Variants in SCG5 observed in about 807,000 individuals in gnomAD.
The protein encoded by SCG5 is neuroendocrine protein 7B2.
Under a neutral mutation model 25.7 loss-of-function variants are expected in SCG5, and 18 were observed. The ratio of observed to expected loss-of-function variants is 0.70; its 90% CI spans 0.48 to 1.04. The LOEUF (loss-of-function observed/expected upper bound fraction) is 1.04, where lower values mean the gene tolerates loss of function less well. SCG5 is among the 50% of genes least tolerant of loss of function. The pLI, the probability that SCG5 is intolerant of heterozygous loss-of-function variation, is 0.00. For missense variants in SCG5, 206 were observed against 259.8 expected, an observed-to-expected ratio of 0.79 and a Z score of 1.42; for synonymous variants, 101 against 91.7, an observed-to-expected ratio of 1.10 and a Z score of -0.58.
chr15:32,691,960 G>A (rs768550509), intron 5 of SCG5, 197 bp downstream of exon 5: 55 of 1,434,246 alleles, frequency 3.8e-5, no homozygotes, highest in Non-Finnish European at 4.9e-5. Flanking sequence ...CCAGGCTTTA[G>A]CAGATGATTT....
chr15:32,653,542 TAG>T (rs1490196513), intron 2 of SCG5, among the ~76,000 whole-genome samples: 2 of 152,196 alleles, frequency 1.3e-5, no homozygotes, highest in Admixed American at 1.3e-4. Context: ...ATAGAATGTA[TAG>T]AGAGACAGAC....
chr15:32,681,717 T>C (rs370496848), intron 3 of SCG5, among the ~76,000 whole-genome samples: 14 of 152,102 alleles, frequency 9.2e-5, no homozygotes, highest in African/African-American at 3.1e-4. Flanking sequence ...TCCAAGGTGC[T>C]GGGATTATGG....
chr15:32,646,147 A>G (rs1007844202), intron 2 of SCG5, among the ~76,000 whole-genome samples: 1 of 152,250 alleles, frequency 6.6e-6, no homozygotes, highest in Non-Finnish European at 1.5e-5. Context: ...CCCTATCAGT[A>G]TCTGTGGAAG....
At chr15:32,648,841 G>A (rs961809112) in intron 2 of SCG5, among the ~76,000 whole-genome samples, 4 of 150,984 alleles carry the variant, frequency 2.6e-5, no homozygotes, top group Admixed American at 6.6e-5. Context: ...GTGCGATCTC[G>A]GCTCACTGCA....
rs143531985 is a variant in SCG5, at chr15:32,679,727, G to T, written c.227-39G>T. On this transcript the variant is annotated intron_variant, in intron 2 of 5. Transcript: ENST00000300175. ...GAATAAATATTGGTTGAAATTAATTGAATTGCACTGCAATGAACTACTTCT... is the reference window on the plus strand; with the variant it reads ...GAATAAATATTGGTTGAAATTAATTTAATTGCACTGCAATGAACTACTTCT... 5.3e-4 allele frequency: 852 copies of T among 1,607,796 alleles called. 10 individuals carry two copies. In the Admixed American group the frequency reaches 0.014, roughly 26 times the overall value.
intron 3 of SCG5, among the ~76,000 whole-genome samples, chr15:32,683,915 G>C (rs946367739): frequency 1.3e-5 from 2 of 152,234 alleles, no homozygotes; most frequent in African/African-American, 2.4e-5. Flanking sequence ...TGGGTCATGT[G>C]CAACAGAAGT....
intron 2 of SCG5, among the ~76,000 whole-genome samples, chr15:32,673,599 G>A (rs2054480561): frequency 6.6e-6 from 1 of 150,824 alleles, no homozygotes; most frequent in Admixed American, 6.6e-5. Context: ...GAGACTTGCA[G>A]GGCCTAGGCG....
chr15:32,671,907 C>T (rs569775844), intron 2 of SCG5, among the ~76,000 whole-genome samples: 6 of 152,282 alleles, frequency 3.9e-5, no homozygotes, highest in African/African-American at 1.4e-4. Context: ...GCCTGGGGAG[C>T]CTTGCCGCCT....
chr15:32,664,876 C>T (rs1595801045), intron 2 of SCG5, among the ~76,000 whole-genome samples: 1 of 152,186 alleles, frequency 6.6e-6, no homozygotes, highest in African/African-American at 2.4e-5. Flanking sequence ...ATCTCTAACT[C>T]AGGAGATGAG....
At chr15:32,647,677 C>T (rs569162466) in intron 2 of SCG5, among the ~76,000 whole-genome samples, 75 of 152,220 alleles carry the variant, frequency 4.9e-4, no homozygotes, top group South Asian at 2.5e-3. Context: ...CTGTTCTCAC[C>T]GCTCATTCAT....
chr15:32,674,621 A>T (rs966252328), intron 2 of SCG5, among the ~76,000 whole-genome samples: 2 of 152,166 alleles, frequency 1.3e-5, no homozygotes, highest in Non-Finnish European at 2.9e-5. Context: ...CGATCATTGG[A>T]GTTGTTAGAG....
At chr15:32,649,236 CA>C (rs1412546202) in intron 2 of SCG5, among the ~76,000 whole-genome samples, 5 of 152,256 alleles carry the variant, frequency 3.3e-5, no homozygotes, top group East Asian at 1.9e-4. Flanking sequence ...TGTATAATAT[CA>C]GGGGGAAATA....
At chr15:32,669,340 T>C (rs1444093523) in intron 2 of SCG5, among the ~76,000 whole-genome samples, 2 of 152,184 alleles carry the variant, frequency 1.3e-5, no homozygotes, top group Non-Finnish European at 2.9e-5. Context: ...TGGAACCAGA[T>C]GCTAGAGAGC....
At chr15:32,645,590 T>G (rs571703397) in intron 2 of SCG5, among the ~76,000 whole-genome samples, 5 of 152,216 alleles carry the variant, frequency 3.3e-5, no homozygotes, top group South Asian at 4.1e-4. Flanking sequence ...ATGGGGTGGC[T>G]ATAAGGAAAT....
chr15:32,664,026 T>C (rs887585298), intron 2 of SCG5, among the ~76,000 whole-genome samples: 20 of 152,162 alleles, frequency 1.3e-4, no homozygotes, highest in African/African-American at 4.1e-4. Flanking sequence ...GCACTGAATT[T>C]GAATTCTGAA....
intron 2 of SCG5, among the ~76,000 whole-genome samples, chr15:32,663,062 TATATATATATATATATA>T (rs2054256645): frequency 6.7e-5 from 3 of 44,518 alleles, no homozygotes; most frequent in Non-Finnish European, 1.5e-4. Flanking sequence ...TATATATATA[TATATATATATATATATA>T]ATATATAATA....
At chr15:32,657,169 A>G in intron 2 of SCG5, among the ~76,000 whole-genome samples, 1 of 87,526 alleles carries the variant, frequency 1.1e-5, no homozygotes, top group East Asian at 3.9e-4. Flanking sequence ...CATCATTCTC[A>G]TGGTCCTTAA....
At chr15:32,657,220 T>TATATATATATA (rs71113464) in intron 2 of SCG5, among the ~76,000 whole-genome samples, 22 of 106,536 alleles carry the variant, frequency 2.1e-4, no homozygotes, top group Non-Finnish European at 3.7e-4. Context: ...TATGTATGTA[T>TATATATATATA]TTCCAGGTGT....
At chr15:32,673,403 C>G (rs890479187) in intron 2 of SCG5, among the ~76,000 whole-genome samples, 28 of 152,096 alleles carry the variant, frequency 1.8e-4, no homozygotes, top group African/African-American at 6.8e-4. Flanking sequence ...TTTCTAGCCC[C>G]TTATTACTGA....
Sources: gnomAD v4.1 joint callset for allele counts (sites outside exome capture counted in the v4.1 genomes callset) on GRCh38, gnomAD v4.1.1 for gene constraint, MANE v1.5 for transcripts, NCBI Gene and HGNC (gene_info 2026-07-23, HGNC 2026-07-21) for gene names.